EXO1: variants seen among roughly 807,000 people sequenced by gnomAD.
EXO1 encodes exonuclease 1.
EXO1 carries 69 observed loss-of-function variants against 84.5 expected under a neutral mutation model. That is an observed-to-expected ratio of 0.82 (90% CI 0.67 to 1.00). The LOEUF (loss-of-function observed/expected upper bound fraction) is 1.00. Ranked by LOEUF, EXO1 falls within the 50% of genes least tolerant of loss-of-function variation. The pLI, the probability that EXO1 is intolerant of heterozygous loss-of-function variation, is 0.00. For missense variants in EXO1, 1,045 were observed against 1,000.7 expected (o/e 1.04, Z -0.60); for synonymous variants, 373 against 366.1 (o/e 1.02, Z -0.21).
At chr1:241,873,773 A>G (rs1662245548) in intron 12 of EXO1, among the ~76,000 whole-genome samples, 1 of 152,186 alleles carries the variant, frequency 6.6e-6, no homozygotes, top group Non-Finnish European at 1.5e-5. Context: ...TTCAAGGGGC[A>G]TCTAATGCTG....
intron 12 of EXO1, among the ~76,000 whole-genome samples, chr1:241,873,229 C>T (rs188498637): frequency 5.9e-5 from 9 of 152,122 alleles, no homozygotes; most frequent in Non-Finnish European, 1.0e-4. Flanking sequence ...CCTCCCTCCC[C>T]CCAATTGTGG....
At chr1:241,850,004 G>T (rs543972493) in intron 3 of EXO1, among the ~76,000 whole-genome samples, 1 of 152,218 alleles carries the variant, frequency 6.6e-6, no homozygotes, top group African/African-American at 2.4e-5. Context: ...ATTTCTGGCC[G>T]GGCGCGGTGG....
intron 13 of EXO1, among the ~76,000 whole-genome samples, chr1:241,879,969 T>G (rs1662657023): frequency 6.7e-6 from 1 of 148,650 alleles, no homozygotes; most frequent in Non-Finnish European, 1.5e-5. Context: ...ATTGAGCCAC[T>G]GTACTCCAGC....
At chr1:241,867,123 C>A in intron 11 of EXO1, 68 bp downstream of exon 11, 2 of 1,172,780 alleles carry the variant, frequency 1.7e-6, no homozygotes, top group Non-Finnish European at 2.5e-6. Flanking sequence ...TTGCCCAACG[C>A]AAAGTCGCGA....
intron 4 of EXO1, 88 bp from the exon 5 acceptor site, chr1:241,852,204 T>C (rs912926953): frequency 8.5e-7 from 1 of 1,170,064 alleles, no homozygotes; most frequent in Non-Finnish European, 1.2e-6. Flanking sequence ...ACCTTCTCTT[T>C]CCATAGTTTT....
chr1:241,859,765 T>C (rs1163488776), intron 8 of EXO1, among the ~76,000 whole-genome samples: 2 of 152,230 alleles, frequency 1.3e-5, no homozygotes, highest in South Asian at 2.1e-4. Context: ...ATTCTGAGAC[T>C]CTGGACATTG....
chr1:241,850,296 A>G, intron 3 of EXO1, 113 bp from the exon 4 acceptor site: 1 of 788,902 alleles, frequency 1.3e-6, no homozygotes, highest in Non-Finnish European at 2.1e-6. Context: ...AAAAAAAAAC[A>G]ACAAACCAAT....
Position 241,861,437 on chromosome 1 carries a change from G to A in EXO1, c.976G>A (p.Ala326Thr), listed in dbSNP as rs1361997101. 1.3e-6 allele frequency: 2 copies of A among 1,574,714 alleles called. No homozygotes were observed. Among genetic ancestry groups the A allele is most frequent in the South Asian group, 1.1e-5 (1 of 90,308 alleles). ...YVDDSIALQIALGNKDINTFE... is the reference protein window; with the variant it reads ...YVDDSIALQITLGNKDINTFE... ...TGATGATTCCATAGCTCTTCAAATA[G>A]CACTTGGAAATAAAGATATAAATAC... Residue 326 changes from alanine (A) to threonine (T), a missense_variant, in exon 10 of 16, where the codon GCA becomes ACA. Transcript: ENST00000366548.
intron 10 of EXO1, among the ~76,000 whole-genome samples, chr1:241,864,584 C>A (rs1163926786): frequency 2.0e-5 from 3 of 152,188 alleles, no homozygotes; most frequent in Non-Finnish European, 4.4e-5. Flanking sequence ...TTAGTCATTC[C>A]CCCACCAGGG....
chr1:241,875,783 C>A (rs1029581024), intron 12 of EXO1, among the ~76,000 whole-genome samples: 2 of 152,174 alleles, frequency 1.3e-5, no homozygotes, highest in Non-Finnish European at 2.9e-5. Context: ...GAGGCTGAGG[C>A]AGGAGAATCG....
At chr1:241,851,743 G>A (rs1359630459) in intron 4 of EXO1, among the ~76,000 whole-genome samples, 3 of 152,054 alleles carry the variant, frequency 2.0e-5, no homozygotes, top group Non-Finnish European at 4.4e-5. Context: ...TTTATCTCAG[G>A]GAAATCAGGC....
At chr1:241,855,356 C>T (rs912772036) in intron 6 of EXO1, among the ~76,000 whole-genome samples, 1 of 152,144 alleles carries the variant, frequency 6.6e-6, no homozygotes, top group African/African-American at 2.4e-5. Flanking sequence ...TACAGAGTGT[C>T]TATTGGTGCA....
intron 6 of EXO1, 47 bp from the exon 7 acceptor site, chr1:241,857,298 A>G (rs1661108926): frequency 6.2e-7 from 1 of 1,607,188 alleles, no homozygotes; most frequent in South Asian, 1.1e-5. Context: ...GTTGTTTAGT[A>G]CTTTCCAGAT....
intron 4 of EXO1, 74 bp from the exon 5 acceptor site, chr1:241,852,218 A>G: frequency 7.5e-7 from 1 of 1,333,398 alleles, no homozygotes; most frequent in Non-Finnish European, 1.1e-6. Context: ...TAGTTTTCTC[A>G]TCTGGCCTAA....
At chr1:241,855,848 C>T (rs1221753834) in intron 6 of EXO1, among the ~76,000 whole-genome samples, 3 of 152,242 alleles carry the variant, frequency 2.0e-5, no homozygotes, top group Non-Finnish European at 2.9e-5. Context: ...TGCCTGGGGC[C>T]GACAGGGCCG....
At chr1:241,860,184 G>GT (rs1188373756) in intron 8 of EXO1, among the ~76,000 whole-genome samples, 7 of 152,040 alleles carry the variant, frequency 4.6e-5, no homozygotes, top group African/African-American at 1.7e-4. Flanking sequence ...GATTTTGGAT[G>GT]TTCTTTTTTT....
chr1:241,889,321 A>G, intron 15 of EXO1, 144 bp from the exon 16 acceptor site: 1 of 719,276 alleles, frequency 1.4e-6, no homozygotes, highest in Non-Finnish European at 2.4e-6. Context: ...GGAGAACCTG[A>G]TTGTGTTATA....
intron 12 of EXO1, among the ~76,000 whole-genome samples, chr1:241,878,429 G>A (rs1369244907): frequency 5.3e-5 from 8 of 151,116 alleles, no homozygotes; most frequent in South Asian, 4.2e-4. Context: ...CCCGGGGGGC[G>A]GAGGTTGCAG....
rs1055380623 is a variant in EXO1, at chr1:241,848,828, C to T, written c.-322C>T. On this transcript the variant is annotated 5_prime_UTR_variant, in exon 2 of 16. Coordinates refer to ENST00000366548, the MANE Select transcript of EXO1 (RefSeq NM_130398.4). This position sits in a 1 kb window ranked among gnomAD's most constrained non-coding sequence, Gnocchi z 4.2. ...AGTGAAGATGGTGCTGTTATTGTTA[C>T]CTCGAGTGCCACATGCGACCTCTGA... is the stretch of plus-strand genomic sequence containing the variant. The T allele has an allele frequency of 6.6e-6, 1 of 152,142 alleles. No homozygotes were observed. The highest frequency in any genetic ancestry group is 1.5e-5 in the Non-Finnish European group (1 of 68,044). The allele number at this position is 152,142 out of a possible 1,614,324, so 9.4% of individuals were successfully genotyped here. A position where few individuals can be genotyped will look rare whatever the true frequency, so the allele number is the denominator to read the frequency against.
Sources: allele counts gnomAD v4.1 joint callset (sites outside exome capture counted in the v4.1 genomes callset), GRCh38; gene constraint gnomAD v4.1.1; non-coding constraint Gnocchi (gnomAD v3.1); transcripts MANE v1.5; gene names NCBI Gene and HGNC (gene_info 2026-07-23, HGNC 2026-07-21).